Variants in RNASEH2B observed in about 807,000 individuals in gnomAD.
The protein encoded by RNASEH2B is ribonuclease H2 subunit B.
In RNASEH2B, 36 loss-of-function variants were observed where a neutral mutation model predicts 45.0. The ratio of observed to expected loss-of-function variants is 0.80; its 90% CI spans 0.61 to 1.06. The LOEUF is 1.06. Ranked by LOEUF, RNASEH2B falls within the 50% of genes least tolerant of loss-of-function variation. The pLI is 0.00. For synonymous variants in RNASEH2B, 119 were observed against 125.7 expected (o/e 0.95, Z 0.35); for missense variants, 361 against 360.3 (o/e 1.00, Z -0.02).
intron 9 of RNASEH2B, among the ~76,000 whole-genome samples, chr13:50,961,779 C>G (rs891644581): frequency 6.6e-6 from 1 of 152,126 alleles, no homozygotes; most frequent in African/African-American, 2.4e-5. Context: ...ATCAACATTT[C>G]TAAATCTATC....
intron 5 of RNASEH2B, 24 bp downstream of exon 5, chr13:50,935,023 T>C (rs1225848463): frequency 6.8e-7 from 1 of 1,476,154 alleles, no homozygotes; most frequent in Non-Finnish European, 9.5e-7. Flanking sequence ...TAAAGGCTTA[T>C]GGCTGGTAGA....
chr13:50,960,675 A>G (rs1236670027), downstream of RNASEH2B, among the ~76,000 whole-genome samples: 2 of 152,188 alleles, frequency 1.3e-5, no homozygotes, highest in African/African-American at 4.8e-5. Context: ...GATACATCCT[A>G]TCTTTCTTAA....
chr13:50,962,688 A>G (rs1364823440), intron 9 of RNASEH2B, among the ~76,000 whole-genome samples: 1 of 152,170 alleles, frequency 6.6e-6, no homozygotes, highest in African/African-American at 2.4e-5. Context: ...TGAGACATCT[A>G]TGATATTTCT....
chr13:50,951,547 G>A (rs776812972), intron 9 of RNASEH2B: 1 of 152,130 alleles, frequency 6.6e-6, no homozygotes, highest in Non-Finnish European at 1.5e-5. Flanking sequence ...CAACCAGTGG[G>A]TTTGGAGATG....
chr13:50,954,178 T>C (rs1238267060), intron 10 of RNASEH2B, 193 bp downstream of exon 10: 3 of 637,972 alleles, frequency 4.7e-6, no homozygotes, highest in Non-Finnish European at 8.4e-6. Flanking sequence ...GACTTATTAT[T>C]AGTCAGAGAA....
rs1323304439 is a variant in RNASEH2B at position 50,956,619 on chromosome 13, G to A, written c.*145G>A. 2.1e-6 allele frequency: 3 copies of A among 1,459,026 alleles called. No individual in the cohort carries two copies. Among genetic ancestry groups the A allele is most frequent in the African/African-American group, 2.9e-5 (2 of 69,810 alleles). 90.4% of individuals were successfully genotyped at this position (1,459,026 alleles called of 1,614,324 possible). The stretch of plus-strand genomic sequence containing the variant: ...AAACATTTCTTTGCATTTGGTTTTT[G>A]TGTTCCTGAACAAAATATGGGAAAG... On this transcript the variant is annotated 3_prime_UTR_variant, in exon 11 of 11. Transcript: ENST00000336617.
At chr13:50,948,899 A>T (rs1951940265) in intron 8 of RNASEH2B, 1 of 152,534 alleles carries the variant, frequency 6.6e-6, no homozygotes, top group South Asian at 2.1e-4. Context: ...ATTGATAATC[A>T]TATCCTTCTG....
At chr13:50,970,094 A>C in exon 10 of RNASEH2B, 1 of 822,762 alleles carries the variant, frequency 1.2e-6, no homozygotes, top group Non-Finnish European at 2.0e-6. Flanking sequence ...TAAAGCGCTG[A>C]CTGTAAATGC....
At chr13:50,956,163 C>G (rs1398829250) in intron 10 of RNASEH2B, 195 bp from the exon 11 acceptor site, 4 of 536,426 alleles carry the variant, frequency 7.5e-6, no homozygotes, top group Non-Finnish European at 1.4e-5. Context: ...TCTTCTGCCT[C>G]TTTTAACATA....
At chr13:50,959,706 G>C (rs994875130), downstream of RNASEH2B, 1 of 152,224 alleles carries the variant, frequency 6.6e-6, no homozygotes, top group African/African-American at 2.4e-5. Context: ...ATCCGCCTTG[G>C]CCTCCCAAAG....
In RNASEH2B at chr13:50,948,053, T is replaced by TA. The variant is rs748406884; in HGVS notation, c.684dup (p.Ser229IlefsTer2). 6.2e-7 allele frequency: 1 copy of TA among 1,611,580 alleles called. No individual in the cohort carries two copies. The highest frequency in any genetic ancestry group is 1.1e-5 in the South Asian group (1 of 91,048). On this transcript the variant is annotated frameshift_variant, in exon 8 of 11. Transcript: ENST00000336617. LOFTEE classifies it high-confidence loss of function. ...ATCCCTAAAGAATTAAGTGATGACT[T>TA]ATCTAAATACTTAAAGTGAGTATTG... is the stretch of plus-strand genomic sequence containing the variant.
intron 5 of RNASEH2B, chr13:50,938,987 T>C (rs1951796762): frequency 1.3e-5 from 2 of 152,176 alleles, no homozygotes; most frequent in Non-Finnish European, 2.9e-5. Context: ...AGCAGGAGGA[T>C]TGCTTGAGGC....
chr13:50,956,254 A>G, intron 10 of RNASEH2B, 104 bp from the exon 11 acceptor site: 1 of 950,382 alleles, frequency 1.1e-6, no homozygotes, highest in South Asian at 1.5e-5. Context: ...GGGGATGCTT[A>G]CCTTCCTTAA....
In RNASEH2B at chr13:50,929,549, C is replaced by A. The variant is rs1316740325; in HGVS notation, c.211C>A (p.His71Asn). ...FEVKVFKEKH[H>N]SWFINQSVQS... ...AGTAAAAGTTTTCAAGGAAAAACACCATTCTTGGTTTATAAATCAATCAGT... is the reference window on the plus strand; with the variant it reads ...AGTAAAAGTTTTCAAGGAAAAACACAATTCTTGGTTTATAAATCAATCAGT... Residue 71 changes from histidine (H) to asparagine (N), a missense_variant, in exon 3 of 11, where the codon CAT becomes AAT. Physicochemically the swap from His to Asn is moderately conservative, Grantham distance 68. Coordinates refer to ENST00000336617, the MANE Select transcript of RNASEH2B (RefSeq NM_024570.4). The A allele has an allele frequency of 6.2e-7, 1 of 1,612,358 alleles. No homozygotes were observed. Among genetic ancestry groups the A allele is most frequent in the South Asian group, 1.1e-5 (1 of 91,044 alleles).
intron 1 of RNASEH2B, among the ~76,000 whole-genome samples, chr13:50,926,591 T>G (rs1381368799): frequency 6.6e-6 from 1 of 152,184 alleles, no homozygotes; most frequent in Non-Finnish European, 1.5e-5. Flanking sequence ...TCTTAATATC[T>G]TATACCCAGA....
downstream of RNASEH2B, among the ~76,000 whole-genome samples, chr13:50,958,051 CTG>C (rs1486024739): frequency 6.6e-6 from 1 of 152,162 alleles, no homozygotes; most frequent in East Asian, 1.9e-4. Context: ...TCTGTTTACT[CTG>C]TTGATACTTT....
chr13:50,945,572 G>A (rs774079225), intron 7 of RNASEH2B, 40 bp downstream of exon 7: 8 of 1,378,350 alleles, frequency 5.8e-6, no homozygotes, highest in Non-Finnish European at 8.3e-6. Context: ...TTTGTCTGGA[G>A]TAAGTTGCTT....
At chr13:50,954,295 C>A (rs918577110) in intron 10 of RNASEH2B, 2 of 511,420 alleles carry the variant, frequency 3.9e-6, no homozygotes, top group South Asian at 3.4e-5. Context: ...TTTTGTCAAC[C>A]CTGCTGCCCA....
intron 9 of RNASEH2B, among the ~76,000 whole-genome samples, chr13:50,966,418 T>A (rs1238732998): frequency 6.6e-6 from 1 of 152,236 alleles, no homozygotes; most frequent in East Asian, 1.9e-4. Context: ...CTTTGATTAA[T>A]GTGCCAAGTT....
Sources: gnomAD v4.1 joint callset for allele counts (sites outside exome capture counted in the v4.1 genomes callset) on GRCh38, gnomAD v4.1.1 for gene constraint, MANE v1.5 for transcripts, NCBI Gene and HGNC (gene_info 2026-07-23, HGNC 2026-07-21) for gene names.